Variants in LARP1B observed in about 807,000 individuals in gnomAD.
LARP1B encodes the protein la-related protein 1B.
LARP1B carries 76 observed loss-of-function variants against 114.2 expected under a neutral mutation model. The observed-to-expected ratio is 0.67, with a 90% CI of 0.55 to 0.81. LARP1B has a LOEUF of 0.81. LARP1B is among the 30% of genes least tolerant of loss of function. The probability of loss-of-function intolerance (pLI) is 0.00; values close to 1 mark genes in which losing one functional copy is unlikely to be tolerated. For missense variants in LARP1B, 1,014 were observed against 1,075.8 expected (o/e 0.94, Z 0.80); for synonymous variants, 345 against 348.0 (o/e 0.99, Z 0.10).
intron 15 of LARP1B, among the ~76,000 whole-genome samples, chr4:128,197,623 G>A (rs1279000927): frequency 6.6e-6 from 1 of 152,044 alleles, no homozygotes; most frequent in Non-Finnish European, 1.5e-5. Context: ...GAACCCAGGA[G>A]GTGGAGGTTG....
At chr4:128,099,168 A>C (rs1779364972) in intron 8 of LARP1B, among the ~76,000 whole-genome samples, 1 of 151,746 alleles carries the variant, frequency 6.6e-6, no homozygotes, top group Non-Finnish European at 1.5e-5. Flanking sequence ...GGAAAAAAAA[A>C]ATCTCTCATC....
intron 8 of LARP1B, among the ~76,000 whole-genome samples, chr4:128,101,553 GAA>G (rs954841710): frequency 3.4e-5 from 5 of 149,212 alleles, no homozygotes; most frequent in Admixed American, 3.3e-4. Flanking sequence ...AATTAACAGA[GAA>G]AATTAGTTTT....
chr4:128,214,184 G>A (rs1286483355), downstream of LARP1B, among the ~76,000 whole-genome samples: 3 of 135,072 alleles, frequency 2.2e-5, no homozygotes, highest in African/African-American at 8.1e-5. Context: ...TGCTAGCACA[G>A]CAGTCTGAGA....
intron 15 of LARP1B, among the ~76,000 whole-genome samples, chr4:128,184,329 C>T (rs745568999): frequency 1.3e-5 from 2 of 152,198 alleles, no homozygotes; most frequent in African/African-American, 4.8e-5. Context: ...TCTGATCAGT[C>T]AGCAGCCATC....
intron 6 of LARP1B, among the ~76,000 whole-genome samples, chr4:128,219,952 C>G (rs1759873415): frequency 6.6e-6 from 1 of 152,196 alleles, no homozygotes; most frequent in Non-Finnish European, 1.5e-5. Flanking sequence ...ATGGCACGAT[C>G]TCGGCTCACT....
chr4:128,213,737 T>G (rs954533278), downstream of LARP1B, among the ~76,000 whole-genome samples: 1 of 152,164 alleles, frequency 6.6e-6, no homozygotes, highest in African/African-American at 2.4e-5. Context: ...CTCCTCCTTT[T>G]AAGAGATTAG....
chr4:128,068,940 T>C (rs1167031868), intron 1 of LARP1B: 1 of 548,918 alleles, frequency 1.8e-6, no homozygotes, highest in Non-Finnish European at 3.2e-6. Flanking sequence ...TTTTAACAGA[T>C]AAATAATACC....
At position 128,210,025 on chromosome 4, in the gene LARP1B, C is replaced by A; in HGVS notation, c.2717C>A (p.Ser906Ter). 1 of 1,614,098 alleles carries A rather than the reference C, an allele frequency of 6.2e-7. No homozygotes were observed. The highest frequency in any genetic ancestry group is 1.6e-4 in the Middle Eastern group (1 of 6,062). ...VPINSPRRNISPESSDNSH is the reference protein window; with the variant it reads ...VPINSPRRNI ...ATAAACTCTCCCAGAAGGAATATTT[C>A]ACCGGAGTCCAGTGACAATTCACAT... The change falls in exon 20 of 20, where the codon TCA becomes TAA. Residue 906 changes from serine (S) to a stop codon, truncating the protein, a stop_gained. Coordinates refer to ENST00000326639, the MANE Select transcript of LARP1B (RefSeq NM_018078.4). LOFTEE classifies it high-confidence loss of function.
chr4:128,095,941 TTC>T (rs928245078), intron 7 of LARP1B, among the ~76,000 whole-genome samples: 13 of 152,114 alleles, frequency 8.5e-5, no homozygotes, highest in Non-Finnish European at 1.8e-4. Context: ...GTTTGTCTTC[TTC>T]TCTGTCTTTA....
chr4:128,079,421 C>A (rs572506299), intron 4 of LARP1B, among the ~76,000 whole-genome samples: 15 of 151,814 alleles, frequency 9.9e-5, no homozygotes, highest in African/African-American at 3.6e-4. Context: ...TAATAAATAA[C>A]TAATCCTTAG....
intron 15 of LARP1B, among the ~76,000 whole-genome samples, chr4:128,186,884 AG>A (rs1750556364): frequency 6.6e-6 from 1 of 152,194 alleles, no homozygotes; most frequent in Admixed American, 6.5e-5. Flanking sequence ...CATGGCTAAA[AG>A]GGGCCCAGAT....
At chr4:128,151,796 G>T (rs1240972305) in intron 11 of LARP1B, among the ~76,000 whole-genome samples, 1 of 152,074 alleles carries the variant, frequency 6.6e-6, no homozygotes, top group African/African-American at 2.4e-5. Flanking sequence ...TAGAGACAAG[G>T]TTTCACCATG....
chr4:128,179,556 G>GT, intron 15 of LARP1B, 44 bp downstream of exon 15: 1 of 1,324,554 alleles, frequency 7.5e-7, no homozygotes, highest in Non-Finnish European at 1.1e-6. Context: ...GTGATTTGAA[G>GT]TTTTTTGAAA....
intron 15 of LARP1B, among the ~76,000 whole-genome samples, chr4:128,193,940 T>C (rs1409664913): frequency 6.6e-6 from 1 of 152,190 alleles, no homozygotes; most frequent in African/African-American, 2.4e-5. Context: ...TAAATTGTAT[T>C]TCACTTTGTG....
At chr4:128,176,109 C>T (rs942035375) in intron 12 of LARP1B, among the ~76,000 whole-genome samples, 20 of 142,676 alleles carry the variant, frequency 1.4e-4, no homozygotes, top group Admixed American at 1.2e-3. Context: ...TATATATACA[C>T]ACATATATAT....
chr4:128,090,165 C>T (rs951859805), intron 5 of LARP1B, among the ~76,000 whole-genome samples: 4 of 151,812 alleles, frequency 2.6e-5, no homozygotes, highest in African/African-American at 9.7e-5. Flanking sequence ...CCCTGCCTCC[C>T]GAGTTCAAGT....
chr4:128,091,197 G>A lies in LARP1B; in HGVS notation c.502+53G>A, dbSNP rs931342583. 7 of 1,587,224 alleles carry A rather than the reference G, an allele frequency of 4.4e-6. No individual in the cohort carries two copies. In the African/African-American group the frequency reaches 6.8e-5, roughly 15 times the overall value. On this transcript the variant is annotated intron_variant, in intron 6 of 19. Transcript: ENST00000326639. ...TTAGATAAACTTTGAAAAAAATAGA[G>A]CAACTATCCTCTATTATGTTTTAAC... is the stretch of plus-strand genomic sequence containing the variant.
chr4:128,129,324 G>A (rs930586381), intron 11 of LARP1B, among the ~76,000 whole-genome samples: 2 of 148,552 alleles, frequency 1.3e-5, no homozygotes, highest in Admixed American at 6.8e-5. Flanking sequence ...ACTGCAGCCT[G>A]GGCGACAGAG....
intron 7 of LARP1B, among the ~76,000 whole-genome samples, 177 bp from the exon 8 acceptor site, chr4:128,098,009 A>G (rs866234555): frequency 2.0e-5 from 3 of 152,158 alleles, no homozygotes; most frequent in African/African-American, 7.2e-5. Context: ...TTAATTCAGT[A>G]GAGTTTTTTG....
Sources: gnomAD v4.1 joint callset for allele counts (sites outside exome capture counted in the v4.1 genomes callset) on GRCh38, gnomAD v4.1.1 for gene constraint, MANE v1.5 for transcripts, NCBI Gene and HGNC (gene_info 2026-07-23, HGNC 2026-07-21) for gene names.